The following STON2 variants were observed in gnomAD, a reference collection of about 807,000 sequenced individuals.
STON2 encodes the protein stonin 2.
Under a neutral mutation model 65.7 loss-of-function variants are expected in STON2, and 29 were observed. The observed-to-expected ratio is 0.44, with a 90% CI of 0.33 to 0.60. STON2 has a LOEUF of 0.60. Among genes scored for constraint, STON2 ranks in the 20% least tolerant of loss-of-function variants. The pLI, the probability that STON2 is intolerant of heterozygous loss-of-function variation, is 0.03. For missense variants in STON2, 1,054 were observed against 1,118.1 expected (o/e 0.94, Z 0.82); for synonymous variants, 404 against 414.2 (o/e 0.98, Z 0.30).
At chr14:81,364,848 G>A (rs1286977080) in intron 4 of STON2, among the ~76,000 whole-genome samples, 1 of 152,140 alleles carries the variant, frequency 6.6e-6, no homozygotes, top group Non-Finnish European at 1.5e-5. Context: ...CAGGGATGCA[G>A]ACGATTTTAG....
chr14:81,315,514 G>A (rs1330315913), intron 5 of STON2, among the ~76,000 whole-genome samples: 1 of 57,234 alleles, frequency 1.7e-5, no homozygotes, highest in Non-Finnish European at 3.9e-5. Flanking sequence ...AACGTAGGCA[G>A]GTGACGATAC....
At chr14:81,411,509 C>T (rs1901157675) in intron 2 of STON2, among the ~76,000 whole-genome samples, 1 of 152,196 alleles carries the variant, frequency 6.6e-6, no homozygotes, top group Admixed American at 6.5e-5. Flanking sequence ...GAGTTTGAGA[C>T]CAGCCTGACC....
At chr14:81,435,648 G>T (rs1165062156) in intron 1 of STON2, among the ~76,000 whole-genome samples, 4 of 152,286 alleles carry the variant, frequency 2.6e-5, no homozygotes, top group African/African-American at 7.2e-5. Flanking sequence ...TCCAGTAGGG[G>T]TTGCACCAGA....
At chr14:81,300,069 T>C (rs1056748138) in intron 5 of STON2, among the ~76,000 whole-genome samples, 1 of 151,996 alleles carries the variant, frequency 6.6e-6, no homozygotes, top group Non-Finnish European at 1.5e-5. Flanking sequence ...CTATAAAGTT[T>C]CAGTAATTAA....
chr14:81,397,168 T>G (rs1900366838), intron 2 of STON2, among the ~76,000 whole-genome samples: 1 of 152,234 alleles, frequency 6.6e-6, no homozygotes, highest in Non-Finnish European at 1.5e-5. Flanking sequence ...TCAATTTTTC[T>G]GTATAAAGGT....
chr14:81,407,031 C>T (rs772643946), intron 2 of STON2, among the ~76,000 whole-genome samples: 9 of 152,152 alleles, frequency 5.9e-5, no homozygotes, highest in Non-Finnish European at 1.2e-4. Context: ...ACACTGCAGT[C>T]ACGAAACTCT....
intron 3 of STON2, among the ~76,000 whole-genome samples, chr14:81,383,076 A>C (rs943595522): frequency 6.6e-6 from 1 of 152,228 alleles, no homozygotes; most frequent in African/African-American, 2.4e-5. Flanking sequence ...GCCAGGTAAA[A>C]ACAGGATGCT....
At chr14:81,429,934 CAAAAA>C (rs371030408) in intron 1 of STON2, among the ~76,000 whole-genome samples, 1 of 128,878 alleles carries the variant, frequency 7.8e-6, no homozygotes. Flanking sequence ...GACTCTGTCT[CAAAAA>C]AAAAAAAAAG....
At chr14:81,270,599 A>G in intron 7 of STON2, 71 bp downstream of exon 7, 1 of 1,613,716 alleles carries the variant, frequency 6.2e-7, no homozygotes, top group Non-Finnish European at 8.5e-7. Context: ...GGCTAAAAGG[A>G]ATAAGAGGGG....
chr14:81,333,671 G>C (rs1471516909), intron 4 of STON2, among the ~76,000 whole-genome samples: 2 of 152,148 alleles, frequency 1.3e-5, no homozygotes, highest in Non-Finnish European at 2.9e-5. Flanking sequence ...CAGCCACTAT[G>C]GTACAAGAAC....
At chr14:81,399,098 G>C (rs1261900251) in intron 1 of STON2, among the ~76,000 whole-genome samples, 1 of 152,202 alleles carries the variant, frequency 6.6e-6, no homozygotes, top group Admixed American at 6.5e-5. Context: ...TAGAAATGAA[G>C]TGATCTTGTT....
At chr14:81,403,693 T>A (rs559044354), upstream of STON2, among the ~76,000 whole-genome samples, 2 of 152,300 alleles carry the variant, frequency 1.3e-5, no homozygotes, top group African/African-American at 4.8e-5. Flanking sequence ...TCCTACCTAT[T>A]TTCCAAGCCA....
intron 5 of STON2, among the ~76,000 whole-genome samples, chr14:81,320,162 C>G (rs968158611): frequency 4.6e-5 from 7 of 151,938 alleles, no homozygotes; most frequent in African/African-American, 1.2e-4. Flanking sequence ...CCACAGCAAG[C>G]AAGCCCATTC....
chr14:81,261,980 GA>G lies in STON2; in HGVS notation c.*6433del. The G allele has an allele frequency of 1.4e-6, 2 of 1,402,310 alleles. No homozygotes were observed. The highest frequency in any genetic ancestry group is 1.7e-5 in the South Asian group (1 of 60,410). 86.9% of individuals were successfully genotyped at this position (1,402,310 alleles called of 1,614,324 possible). A position where few individuals can be genotyped will look rare whatever the true frequency, so the allele number is the denominator to read the frequency against. On this transcript the variant is annotated 3_prime_UTR_variant, in exon 8 of 8. Transcript: ENST00000614646. The stretch of plus-strand genomic sequence containing the variant: ...AAAAAAAAGAGAGAGATGTGAAAAG[GA>G]AAAAGATGGACCAGGTGATTTTTCC...
At chr14:81,422,912 G>A (rs1901777805) in intron 2 of STON2, among the ~76,000 whole-genome samples, 1 of 152,050 alleles carries the variant, frequency 6.6e-6, no homozygotes, top group African/African-American at 2.4e-5. Context: ...GTATGCACCT[G>A]TAATCCCAGC....
At position 81,350,895 on chromosome 14, in the gene STON2, G is replaced by C. The variant is rs1320623623; in HGVS notation, c.571+20093C>G. On this transcript the variant is annotated intron_variant, in intron 4 of 7. Transcript: ENST00000614646. ...TAACATTTTATCTTTAAAAAGCATAGCTCATAAATCTTTCTGAAGCCCTGA... is the reference window on the plus strand; with the variant it reads ...TAACATTTTATCTTTAAAAAGCATACCTCATAAATCTTTCTGAAGCCCTGA... Among the ~76,000 whole-genome samples, 6 of 152,192 alleles carry C rather than the reference G, an allele frequency of 3.9e-5. No individual in the cohort carries two copies. The East Asian group carries it at 1.2e-3, about 29-fold the overall frequency.
At chr14:81,381,745 T>C (rs1364749661) in intron 3 of STON2, among the ~76,000 whole-genome samples, 1 of 152,156 alleles carries the variant, frequency 6.6e-6, no homozygotes, top group African/African-American at 2.4e-5. Flanking sequence ...TAGAAACCAC[T>C]TTAGAAAATG....
intron 1 of STON2, among the ~76,000 whole-genome samples, chr14:81,430,356 G>A (rs1471385142): frequency 1.3e-5 from 2 of 152,134 alleles, no homozygotes; most frequent in East Asian, 1.9e-4. Context: ...TCCTCGTAAC[G>A]TTCTCCTCAA....
chr14:81,381,763 G>A (rs896724034), intron 3 of STON2, among the ~76,000 whole-genome samples: 22 of 152,126 alleles, frequency 1.4e-4, no homozygotes, highest in Admixed American at 5.9e-4. Context: ...ATGGCTTGTT[G>A]TTATCTGATT....
Sources: allele counts gnomAD v4.1 joint callset (sites outside exome capture counted in the v4.1 genomes callset), GRCh38; gene constraint gnomAD v4.1.1; transcripts MANE v1.5; gene names NCBI Gene and HGNC (gene_info 2026-07-23, HGNC 2026-07-21).